The following RHOU variants were observed in gnomAD, a reference collection of about 807,000 sequenced individuals.
RHOU encodes the protein ras homolog family member U.
Under a neutral mutation model 12.6 loss-of-function variants are expected in RHOU, and 8 were observed. The observed-to-expected ratio is 0.64, with a 90% confidence interval of 0.37 to 1.15. RHOU has a LOEUF of 1.15. Among genes scored for constraint, RHOU ranks in the 50% most tolerant of loss-of-function variants. The pLI, the probability that RHOU is intolerant of heterozygous loss-of-function variation, is 0.01. For missense variants in RHOU, 258 were observed against 347.0 expected (o/e 0.74, Z 2.04); for synonymous variants, 161 against 147.4 (o/e 1.09, Z -0.67).
the RHOU span, among the ~76,000 whole-genome samples, chr1:228,690,432 TCTC>T: frequency 2.6e-5 from 4 of 151,688 alleles, no homozygotes; most frequent in East Asian, 1.9e-4. Context: ...TTCAAGCAAT[TCTC>T]CTGCCTCAGC....
At chr1:228,711,673 G>C in the RHOU span, among the ~76,000 whole-genome samples, 2 of 152,176 alleles carry the variant, frequency 1.3e-5, no homozygotes, top group Admixed American at 1.3e-4. Context: ...ATGGGTTAAA[G>C]ACTTAAACGT....
upstream of RHOU, among the ~76,000 whole-genome samples, chr1:228,731,783 T>G: frequency 7.0e-6 from 1 of 143,600 alleles, no homozygotes; most frequent in Non-Finnish European, 1.5e-5. Flanking sequence ...GTGTTGGGGG[T>G]AGGTAGGGGG....
chr1:228,647,771 C>A, the RHOU span: 1 of 152,390 alleles, frequency 6.6e-6, no homozygotes. Context: ...TGTTGCCTGG[C>A]TGTGCTGCAG....
the RHOU span, among the ~76,000 whole-genome samples, chr1:228,721,364 C>T: frequency 6.6e-6 from 1 of 152,280 alleles, no homozygotes; most frequent in Admixed American, 6.5e-5. Flanking sequence ...AAGAGCTTCA[C>T]TCATGATTTA....
the RHOU span, among the ~76,000 whole-genome samples, chr1:228,690,721 G>T: frequency 6.6e-6 from 1 of 151,954 alleles, no homozygotes; most frequent in Non-Finnish European, 1.5e-5. Context: ...GATTTCAAGC[G>T]ATTCTTCTGC....
the RHOU span, among the ~76,000 whole-genome samples, chr1:228,698,652 C>A: frequency 6.9e-3 from 1,051 of 152,364 alleles, 4 homozygotes; most frequent in Non-Finnish European, 0.01. Flanking sequence ...CCTAACAAAT[C>A]ATGCCCATCC....
At chr1:228,696,902 T>C in the RHOU span, among the ~76,000 whole-genome samples, 1 of 152,112 alleles carries the variant, frequency 6.6e-6, no homozygotes, top group Non-Finnish European at 1.5e-5. Context: ...CTGACATTAT[T>C]GATGAGATTA....
At chr1:228,689,205 G>A in the RHOU span, among the ~76,000 whole-genome samples, 1 of 152,098 alleles carries the variant, frequency 6.6e-6, no homozygotes, top group Admixed American at 6.5e-5. Flanking sequence ...AGAGGCAAAG[G>A]ACCCTGAGTT....
At chr1:228,709,896 A>C in the RHOU span, among the ~76,000 whole-genome samples, 5 of 152,298 alleles carry the variant, frequency 3.3e-5, no homozygotes, top group African/African-American at 1.2e-4. Flanking sequence ...GGATCAACAA[A>C]ATTGATAGAC....
At chr1:228,693,544 G>A in the RHOU span, among the ~76,000 whole-genome samples, 1 of 152,078 alleles carries the variant, frequency 6.6e-6, no homozygotes, top group South Asian at 2.1e-4. Flanking sequence ...TCAGCTCACT[G>A]CAACCTCTGC....
intron 1 of RHOU, 30 bp downstream of exon 1, chr1:228,736,034 G>GC: frequency 6.4e-7 from 1 of 1,563,334 alleles, no homozygotes; most frequent in Non-Finnish European, 8.6e-7. Context: ...GGGGCCGGGG[G>GC]CGCGTGGCCG....
the RHOU span, among the ~76,000 whole-genome samples, chr1:228,719,143 G>A: frequency 2.0e-5 from 3 of 152,278 alleles, no homozygotes; most frequent in East Asian, 5.8e-4. Context: ...TTACAGTTCA[G>A]ATCAAGTGAG....
rs1662643936 is a variant in RHOU at position 228,737,880 on chromosome 1, G to A, written c.321+149G>A. ...CTGCTGTTGGCCCTTCTCTGAGGGT[G>A]GGCAGGGGCCAGGTTATTGGCCGGC... On this transcript the variant is annotated intron_variant, in intron 2 of 2. Transcript: ENST00000366691. The surrounding 1 kb of genome is among the most constrained non-coding windows in gnomAD (Gnocchi z 4.1). The A allele has an allele frequency of 5.1e-6, 4 of 782,284 alleles. No homozygotes were observed. The highest frequency in any genetic ancestry group is 4.7e-5 in the South Asian group (3 of 63,248). 48.5% of individuals were successfully genotyped at this position (782,284 alleles called of 1,614,324 possible). A position where few individuals can be genotyped will look rare whatever the true frequency, so the allele number is the denominator to read the frequency against.
At chr1:228,710,322 C>T in the RHOU span, among the ~76,000 whole-genome samples, 1 of 152,162 alleles carries the variant, frequency 6.6e-6, no homozygotes, top group Non-Finnish European at 1.5e-5. Context: ...AGGCCAGCAT[C>T]ATCCTGATAC....
At chr1:228,678,707 C>T in the RHOU span, among the ~76,000 whole-genome samples, 2,848 of 151,844 alleles carry the variant, frequency 0.019, 149 homozygotes, top group East Asian at 0.17. Context: ...AGTGAGGGCT[C>T]GAGTTAAGGC....
At chr1:228,691,353 T>C in the RHOU span, among the ~76,000 whole-genome samples, 2 of 152,130 alleles carry the variant, frequency 1.3e-5, no homozygotes, top group Non-Finnish European at 2.9e-5. Flanking sequence ...ACCACTACGG[T>C]ATCACACAGA....
the RHOU span, among the ~76,000 whole-genome samples, chr1:228,707,257 T>A: frequency 0.046 from 1,855 of 39,922 alleles, 11 homozygotes; most frequent in Non-Finnish European, 0.066. Flanking sequence ...ATATATATAG[T>A]GTGTGTGTGT....
At position 228,746,103 on chromosome 1, in the gene RHOU, C is replaced by T. The variant is rs1171937538; in HGVS notation, c.*2363C>T. The T allele has an allele frequency of 3.3e-5, 5 of 152,228 alleles. No homozygotes were observed. The highest frequency in any genetic ancestry group is 4.1e-4 in the South Asian group (2 of 4,820). The allele number at this position is 152,228 out of a possible 1,614,324, so 9.4% of individuals were successfully genotyped here. The stretch of plus-strand genomic sequence containing the variant: ...AGTGTTAAAAATCTAGTGGGTTGAC[C>T]TTTAAATGCAACAGTTTTTAAAATA... On this transcript the variant is annotated 3_prime_UTR_variant, in exon 3 of 3. Coordinates refer to ENST00000366691, the MANE Select transcript of RHOU (RefSeq NM_021205.6).
chr1:228,670,334 C>T, the RHOU span, among the ~76,000 whole-genome samples: 2 of 152,198 alleles, frequency 1.3e-5, no homozygotes, highest in Non-Finnish European at 1.5e-5. Flanking sequence ...GATTAGGGGC[C>T]TCTTCGCTAG....
Sources: gnomAD v4.1 joint callset for allele counts (sites outside exome capture counted in the v4.1 genomes callset) on GRCh38, gnomAD v4.1.1 for gene constraint, Gnocchi (gnomAD v3.1) non-coding constraint, MANE v1.5 for transcripts, NCBI Gene and HGNC (gene_info 2026-07-23, HGNC 2026-07-21) for gene names.